TXNRD1: variants seen among roughly 807,000 people sequenced by gnomAD.
TXNRD1 encodes thioredoxin reductase 1.
In TXNRD1, 57 loss-of-function variants were observed where a neutral mutation model predicts 80.3. The ratio of observed to expected loss-of-function variants is 0.71; its 90% CI spans 0.57 to 0.89. The LOEUF (loss-of-function observed/expected upper bound fraction) is 0.89. Among genes scored for constraint, TXNRD1 ranks in the 40% least tolerant of loss-of-function variants. The pLI is 0.00. For missense variants in TXNRD1, 730 were observed against 803.0 expected, an observed-to-expected ratio of 0.91 and a Z score of 1.10; for synonymous variants, 291 against 285.2, an observed-to-expected ratio of 1.02 and a Z score of -0.20.
At chr12:104,302,347 A>G (rs973452630) in intron 4 of TXNRD1, among the ~76,000 whole-genome samples, 6 of 151,950 alleles carry the variant, frequency 3.9e-5, no homozygotes, top group Non-Finnish European at 8.8e-5. Flanking sequence ...TCCTGGTGCT[A>G]TGAAACTGGC....
chr12:104,321,079 T>TC lies in TXNRD1; in HGVS notation c.990-12_990-11insC. 6.5e-7 allele frequency: 1 copy of TC among 1,549,394 alleles called. No individual in the cohort carries two copies. The highest frequency in any genetic ancestry group is 8.7e-7 in the Non-Finnish European group (1 of 1,144,304). On this transcript the variant is annotated splice_polypyrimidine_tract_variant and intron_variant, in intron 9 of 16. Coordinates refer to ENST00000525566, the MANE Select transcript of TXNRD1 (RefSeq NM_001093771.3). ...TTTTCTTCTTTCTTCCTTTTTTTTT[T>TC]TTTTCCCCCAGTGATGATCTTTTCT...
At chr12:104,331,506 A>G (rs780350696) in intron 13 of TXNRD1, 28 bp from the exon 14 acceptor site, 2 of 1,485,770 alleles carry the variant, frequency 1.3e-6, no homozygotes, top group South Asian at 1.2e-5. Context: ...TTTGCCTATT[A>G]TAACTCCTTA....
chr12:104,235,433 A>G (rs2032717601), intron 1 of TXNRD1, among the ~76,000 whole-genome samples: 1 of 152,184 alleles, frequency 6.6e-6, no homozygotes, highest in South Asian at 2.1e-4. Flanking sequence ...GGCTTTGAAA[A>G]TAGAGGACAA....
chr12:104,328,547 G>T (rs1183106077), intron 13 of TXNRD1, among the ~76,000 whole-genome samples: 1 of 152,106 alleles, frequency 6.6e-6, no homozygotes, highest in East Asian at 1.9e-4. Context: ...ACGAGGTCAG[G>T]AGATTGAGAC....
At chr12:104,231,350 C>T (rs1483741657) in intron 1 of TXNRD1, among the ~76,000 whole-genome samples, 1 of 152,150 alleles carries the variant, frequency 6.6e-6, no homozygotes, top group Non-Finnish European at 1.5e-5. Context: ...AGAAGAATGG[C>T]ATGTCCATGC....
chr12:104,224,274 T>C (rs1176973390), intron 1 of TXNRD1, among the ~76,000 whole-genome samples: 5 of 152,230 alleles, frequency 3.3e-5, no homozygotes, highest in Non-Finnish European at 2.9e-5. Context: ...CAAGTAGAGA[T>C]AGTTTTGCCC....
chr12:104,247,523 C>T (rs2033020227), intron 1 of TXNRD1, among the ~76,000 whole-genome samples: 1 of 152,146 alleles, frequency 6.6e-6, no homozygotes, highest in Non-Finnish European at 1.5e-5. Context: ...TTTTATTTTC[C>T]TTTTTTGTTA....
chr12:104,338,612 G>T (rs978782764), intron 15 of TXNRD1, among the ~76,000 whole-genome samples: 1 of 151,440 alleles, frequency 6.6e-6, no homozygotes, highest in Non-Finnish European at 1.5e-5. Flanking sequence ...CAAGAGAATC[G>T]CTTGAATCCA....
Position 104,244,780 on chromosome 12 carries a change from A to G in TXNRD1, c.92-6747A>G, listed in dbSNP as rs183183927. Among the ~76,000 whole-genome samples, 243 of 152,372 alleles carry G rather than the reference A, an allele frequency of 1.6e-3. 2 individuals are homozygous for G. The highest frequency in any genetic ancestry group is 5.7e-3 in the Admixed American group (88 of 15,306). ...TTTTGCAATAGCTAATGATGTTACA[A>G]TGAAATCATTGGTAATAATTGGATA... On this transcript the variant is annotated intron_variant, in intron 1 of 16. Transcript: ENST00000525566.
At chr12:104,258,316 ATTC>A (rs2033298184) in intron 3 of TXNRD1, 2 of 383,862 alleles carry the variant, frequency 5.2e-6, no homozygotes, top group African/African-American at 2.1e-5. Context: ...TATTGAAATT[ATTC>A]TTCTTATTAC....
At chr12:104,304,075 C>G in intron 4 of TXNRD1, 1 of 1,613,920 alleles carries the variant, frequency 6.2e-7, no homozygotes, top group Non-Finnish European at 8.5e-7. Context: ...ACCGGCAGCT[C>G]ATGTACTGCG....
chr12:104,242,292 G>A (rs958391882), intron 1 of TXNRD1, among the ~76,000 whole-genome samples: 1 of 149,572 alleles, frequency 6.7e-6, no homozygotes, highest in Non-Finnish European at 1.5e-5. Flanking sequence ...GCTCACGCCT[G>A]TAATCCCAGC....
intron 16 of TXNRD1, among the ~76,000 whole-genome samples, chr12:104,347,179 A>T (rs1565919628): frequency 6.7e-6 from 1 of 148,478 alleles, no homozygotes; most frequent in Non-Finnish European, 1.5e-5. Flanking sequence ...TCTTATAATG[A>T]TTTTTTTTTT....
intron 2 of TXNRD1, among the ~76,000 whole-genome samples, chr12:104,253,525 C>T (rs1267195727): frequency 6.6e-6 from 1 of 152,132 alleles, no homozygotes; most frequent in East Asian, 1.9e-4. Context: ...TAGAAGAGGG[C>T]TGGGCATTAG....
At position 104,348,496 on chromosome 12, in the gene TXNRD1, T is replaced by C. The variant is rs2036562619; in HGVS notation, c.*75T>C. 6.8e-7 allele frequency: 1 copy of C among 1,466,382 alleles called. No individual in the cohort carries two copies. The highest frequency in any genetic ancestry group is 1.4e-5 in the African/African-American group (1 of 71,920). 90.8% of individuals were successfully genotyped at this position (1,466,382 alleles called of 1,614,324 possible). A position where few individuals can be genotyped will look rare whatever the true frequency, so the allele number is the denominator to read the frequency against. On this transcript the variant is annotated 3_prime_UTR_variant, in exon 17 of 17. Coordinates refer to ENST00000525566, the MANE Select transcript of TXNRD1 (RefSeq NM_001093771.3). ...CGTGCCCAAATCCAAGGCGAAGTTT[T>C]CTAGAGGGTTCTTGGGCTCTTGGCA...
chr12:104,269,318 C>T (rs932698627), intron 3 of TXNRD1, among the ~76,000 whole-genome samples: 63 of 152,172 alleles, frequency 4.1e-4, no homozygotes, highest in African/African-American at 1.5e-3. Flanking sequence ...TCAAATTTTA[C>T]ATGAGATTAC....
intron 1 of TXNRD1, chr12:104,224,869 A>G (rs1192394645): frequency 2.2e-6 from 1 of 456,402 alleles, no homozygotes; most frequent in East Asian, 6.9e-5. Flanking sequence ...CCCCTGACTC[A>G]CTGGAATCCT....
Position 104,319,484 on chromosome 12 carries a change from A to T in TXNRD1, c.888A>T (p.Lys296Asn), listed in dbSNP as rs1392888372. 4 of 1,584,104 alleles carry T rather than the reference A, an allele frequency of 2.5e-6. No homozygotes were observed. In the African/African-American group the frequency reaches 4.0e-5, roughly 16 times the overall value. Residue 296 changes from lysine (K) to asparagine (N), a missense_variant, in exon 9 of 17, where the codon AAA becomes AAT. Lys to Asn is a moderately conservative substitution (Grantham distance 94). Transcript: ENST00000525566. Reference protein sequence around the residue: ...GPHRIKATNNKGKEKIYSAER... With the variant: ...GPHRIKATNNNGKEKIYSAER... ...TTCCTTTGTAGGCAACAAATAATAA[A>T]GGCAAAGAAAAAATTTATTCAGCAG...
chr12:104,239,800 A>T (rs1034765968), intron 1 of TXNRD1, among the ~76,000 whole-genome samples: 2 of 152,098 alleles, frequency 1.3e-5, no homozygotes, highest in African/African-American at 4.8e-5. Flanking sequence ...TTCTTGACTC[A>T]GTTTGGGTAA....
Sources: gnomAD v4.1 joint callset for allele counts (sites outside exome capture counted in the v4.1 genomes callset) on GRCh38, gnomAD v4.1.1 for gene constraint, MANE v1.5 for transcripts, NCBI Gene and HGNC (gene_info 2026-07-23, HGNC 2026-07-21) for gene names.